Variants in HS2ST1 observed in about 807,000 individuals in gnomAD.
HS2ST1 encodes the protein heparan sulfate 2-O-sulfotransferase 1.
A neutral mutation model predicts 42.9 loss-of-function variants in HS2ST1; 18 were observed. The observed-to-expected ratio is 0.42, with a 90% CI of 0.29 to 0.62. HS2ST1 has a LOEUF of 0.62. Ranked by LOEUF, HS2ST1 falls within the 20% of genes least tolerant of loss-of-function variation. HS2ST1 has a pLI of 0.21. For missense variants in HS2ST1, 334 were observed against 433.8 expected (o/e 0.77, Z 2.04); for synonymous variants, 146 against 152.9 (o/e 0.95, Z 0.33).
At chr1:86,964,996 G>T (rs1648002077) in intron 1 of HS2ST1, among the ~76,000 whole-genome samples, 1 of 152,104 alleles carries the variant, frequency 6.6e-6, no homozygotes, top group Admixed American at 6.5e-5. Context: ...TTATACATTT[G>T]TAGTATTACT....
intron 1 of HS2ST1, among the ~76,000 whole-genome samples, chr1:86,944,638 G>A (rs921011559): frequency 2.9e-4 from 44 of 152,244 alleles, no homozygotes; most frequent in Admixed American, 2.2e-3. Context: ...ACAGGCGTGA[G>A]CCACTGTGCC....
At chr1:86,925,740 C>G (rs1436660868) in intron 1 of HS2ST1, among the ~76,000 whole-genome samples, 1 of 152,202 alleles carries the variant, frequency 6.6e-6, no homozygotes, top group Non-Finnish European at 1.5e-5. Context: ...TGGGTGGGGA[C>G]ACAGCCAAAC....
At chr1:86,951,954 A>G (rs1647532740) in intron 1 of HS2ST1, among the ~76,000 whole-genome samples, 1 of 152,212 alleles carries the variant, frequency 6.6e-6, no homozygotes, top group African/African-American at 2.4e-5. Flanking sequence ...AATTGCAGGA[A>G]TTCAGTCACA....
intron 1 of HS2ST1, among the ~76,000 whole-genome samples, chr1:86,996,941 T>C (rs1649118718): frequency 6.6e-6 from 1 of 152,108 alleles, no homozygotes; most frequent in South Asian, 2.1e-4. Context: ...ATTCTCCTAC[T>C]GAAACCTTAT....
At chr1:86,997,305 G>C (rs937353821) in intron 1 of HS2ST1, among the ~76,000 whole-genome samples, 1 of 152,124 alleles carries the variant, frequency 6.6e-6, no homozygotes, top group African/African-American at 2.4e-5. Flanking sequence ...CCCAGGCCCA[G>C]GGCAGGATTT....
At chr1:86,934,998 G>A (rs78768044) in intron 1 of HS2ST1, 3 of 151,064 alleles carry the variant, frequency 2.0e-5, no homozygotes, top group African/African-American at 7.3e-5. Context: ...TGTGAGGATG[G>A]GAGTGATGAC....
At chr1:87,003,126 G>C (rs1270424204) in intron 1 of HS2ST1, among the ~76,000 whole-genome samples, 1 of 152,210 alleles carries the variant, frequency 6.6e-6, no homozygotes, top group Non-Finnish European at 1.5e-5. Flanking sequence ...GGTGAAGAAG[G>C]ATCTTTGAAC....
intron 1 of HS2ST1, among the ~76,000 whole-genome samples, chr1:87,006,264 C>A (rs377583638): frequency 2.6e-5 from 4 of 152,086 alleles, no homozygotes; most frequent in African/African-American, 9.7e-5. Context: ...ATTGACATGA[C>A]CCACTCAGCT....
intron 1 of HS2ST1, among the ~76,000 whole-genome samples, chr1:87,059,703 A>G (rs1406654547): frequency 6.6e-6 from 1 of 152,178 alleles, no homozygotes. Flanking sequence ...TGGCAGACAG[A>G]AGTAAGAGGC....
At chr1:86,997,538 C>T (rs1345794010) in intron 1 of HS2ST1, among the ~76,000 whole-genome samples, 1 of 152,100 alleles carries the variant, frequency 6.6e-6, no homozygotes, top group South Asian at 2.1e-4. Flanking sequence ...CAGTAATAGG[C>T]TAAGTTCTGT....
At chr1:87,023,731 A>G (rs1221236028) in intron 1 of HS2ST1, among the ~76,000 whole-genome samples, 2 of 152,160 alleles carry the variant, frequency 1.3e-5, no homozygotes, top group Non-Finnish European at 2.9e-5. Context: ...CTTAACATTC[A>G]TGTCTCAGAA....
intron 1 of HS2ST1, among the ~76,000 whole-genome samples, chr1:87,041,693 C>T (rs1650529288): frequency 6.6e-6 from 1 of 152,108 alleles, no homozygotes; most frequent in African/African-American, 2.4e-5. Flanking sequence ...AGTATTTGTC[C>T]TTCTGTGACT....
At chr1:86,960,630 C>A (rs1333073706) in intron 1 of HS2ST1, among the ~76,000 whole-genome samples, 1 of 152,142 alleles carries the variant, frequency 6.6e-6, no homozygotes, top group Non-Finnish European at 1.5e-5. Flanking sequence ...AAAATCTGAA[C>A]CTCCTTGGAG....
At chr1:86,936,789 G>A (rs540552163) in intron 1 of HS2ST1, among the ~76,000 whole-genome samples, 15 of 152,094 alleles carry the variant, frequency 9.9e-5, no homozygotes, top group African/African-American at 3.6e-4. Context: ...TTATTCCATG[G>A]AACTGGCATT....
intron 1 of HS2ST1, among the ~76,000 whole-genome samples, chr1:86,923,044 T>C (rs1660333689): frequency 6.6e-6 from 1 of 152,198 alleles, no homozygotes. Flanking sequence ...TGTGTTGTTT[T>C]AGATAGTTTT....
Position 87,002,736 on chromosome 1 carries a change from T to TC in HS2ST1, c.125-70191dup, listed in dbSNP as rs576680076. On this transcript the variant is annotated intron_variant, in intron 1 of 6. Transcript: ENST00000370550. ...CTTTTGACCAAAAAGTTAAAAATTTTCCCCCCCGCTGACTACCTTGTATAG... is the reference window on the plus strand; with the variant it reads ...CTTTTGACCAAAAAGTTAAAAATTTTCCCCCCCCGCTGACTACCTTGTATAG... 4.8e-4 allele frequency among the ~76,000 whole-genome samples: 73 copies of TC among 152,068 alleles called. 1 individual carries two copies. The South Asian group carries it at 7.9e-3, about 16-fold the overall frequency.
intron 3 of HS2ST1, among the ~76,000 whole-genome samples, 196 bp from the exon 4 acceptor site, chr1:87,092,335 T>G (rs1651966172): frequency 6.6e-6 from 1 of 151,912 alleles, no homozygotes; most frequent in Admixed American, 6.6e-5. Flanking sequence ...TTCATATTTC[T>G]TGTTTACTTT....
chr1:87,075,908 A>T (rs1199964824), intron 2 of HS2ST1, among the ~76,000 whole-genome samples: 1 of 152,160 alleles, frequency 6.6e-6, no homozygotes, highest in Non-Finnish European at 1.5e-5. Context: ...TTGTGTATGT[A>T]ATATACACAA....
At chr1:87,058,981 C>T (rs1438239295) in intron 1 of HS2ST1, among the ~76,000 whole-genome samples, 4 of 151,996 alleles carry the variant, frequency 2.6e-5, no homozygotes, top group East Asian at 1.9e-4. Flanking sequence ...ATGGCGTGAA[C>T]CCAGGAGGCA....
Sources: gnomAD v4.1 joint callset for allele counts (sites outside exome capture counted in the v4.1 genomes callset) on GRCh38, gnomAD v4.1.1 for gene constraint, MANE v1.5 for transcripts, NCBI Gene and HGNC (gene_info 2026-07-23, HGNC 2026-07-21) for gene names.